BCAS3: variants seen among roughly 807,000 people sequenced by gnomAD.
BCAS3 encodes the protein BCAS4/BCAS3 fusion.
In BCAS3, 53 loss-of-function variants were observed where a neutral mutation model predicts 116.1. That is an observed-to-expected ratio of 0.46 (90% CI 0.37 to 0.57). The LOEUF is 0.57. Among genes scored for constraint, BCAS3 ranks in the 20% least tolerant of loss-of-function variants. BCAS3 has a pLI of 0.00. For missense variants in BCAS3, 917 were observed against 1,165.4 expected (o/e 0.79, Z 3.10); for synonymous variants, 391 against 408.2 (o/e 0.96, Z 0.51).
chr17:61,182,017 G>C (rs141715392), intron 22 of BCAS3, among the ~76,000 whole-genome samples: 2 of 152,066 alleles, frequency 1.3e-5, no homozygotes, highest in Admixed American at 1.3e-4. Flanking sequence ...GGGACTACAG[G>C]TGTGCACCAC....
At chr17:61,129,795 T>TA (rs1327157768) in intron 22 of BCAS3, among the ~76,000 whole-genome samples, 3 of 152,252 alleles carry the variant, frequency 2.0e-5, no homozygotes, top group African/African-American at 4.8e-5. Context: ...GTTTGGAACT[T>TA]ACAATCTGAG....
Position 61,156,154 on chromosome 17 carries a change from C to G in BCAS3, c.2425+71590C>G, listed in dbSNP as rs1268778461. ...ACAAACGCAGAGAGACAGAGAAAGA[C>G]AGTCAGCCAGACACATTAAAAAAAA... On this transcript the variant is annotated intron_variant, in intron 22 of 23. Coordinates refer to ENST00000407086, the MANE Select transcript of BCAS3 (RefSeq NM_017679.5). The surrounding 1 kb of genome is among the most constrained non-coding windows in gnomAD (Gnocchi z 4.7). Among the ~76,000 whole-genome samples, 1 of 149,532 alleles carries G rather than the reference C, an allele frequency of 6.7e-6. No individual in the cohort carries two copies. Among genetic ancestry groups the G allele is most frequent in the Non-Finnish European group, 1.5e-5 (1 of 67,656 alleles).
rs942793660 is a variant in BCAS3, at chr17:61,300,407, G to A, written c.2426-67920G>A. 2.6e-5 allele frequency among the ~76,000 whole-genome samples: 4 copies of A among 152,060 alleles called. No homozygotes were observed. The highest frequency in any genetic ancestry group is 4.4e-5 in the Non-Finnish European group (3 of 68,020). ...AACTTGCTCCCTAAGCTCCCAGAAG[G>A]CATTACTCAGGTGACATTTGGGGAA... On this transcript the variant is annotated intron_variant, in intron 22 of 23. Coordinates refer to ENST00000407086, the MANE Select transcript of BCAS3 (RefSeq NM_017679.5). This position sits in a 1 kb window ranked among gnomAD's most constrained non-coding sequence, Gnocchi z 5.1.
intron 13 of BCAS3, among the ~76,000 whole-genome samples, chr17:60,938,457 CT>C (rs1357030497): frequency 6.6e-6 from 1 of 152,074 alleles, no homozygotes. Context: ...ACTGCGGTAT[CT>C]TTTGGTGGAA....
At chr17:61,250,028 G>A (rs1172250189) in intron 22 of BCAS3, among the ~76,000 whole-genome samples, 1 of 152,204 alleles carries the variant, frequency 6.6e-6, no homozygotes, top group African/African-American at 2.4e-5. Flanking sequence ...ACTAGAGAAG[G>A]TTACGAAATG....
chr17:60,860,607 C>T (rs1203139468), intron 7 of BCAS3, among the ~76,000 whole-genome samples: 2 of 152,096 alleles, frequency 1.3e-5, no homozygotes, highest in African/African-American at 4.8e-5. Context: ...CTTTTTATAG[C>T]ATTATGTTTT....
At chr17:60,749,497 A>G (rs554493706) in intron 6 of BCAS3, among the ~76,000 whole-genome samples, 5 of 152,228 alleles carry the variant, frequency 3.3e-5, no homozygotes, top group South Asian at 4.1e-4. Flanking sequence ...AATGGCTTCA[A>G]TTTTTGTTGT....
rs1174860862 is a variant in BCAS3, at chr17:61,056,048, T to A, written c.2029+15156T>A. ...CTGCCCAAACTGGTAGTAACCAGGC[T>A]GGAAAAGGATTTGACCCTTCCTTGG... On this transcript the variant is annotated intron_variant, in intron 19 of 23. Transcript: ENST00000407086. The surrounding 1 kb of genome is among the most constrained non-coding windows in gnomAD (Gnocchi z 4.9). Among the ~76,000 whole-genome samples the A allele has an allele frequency of 1.3e-5, 2 of 152,212 alleles. No individual in the cohort carries two copies. Among genetic ancestry groups the A allele is most frequent in the Non-Finnish European group, 2.9e-5 (2 of 68,046 alleles).
chr17:61,195,597 A>T (rs1601844435), intron 22 of BCAS3, among the ~76,000 whole-genome samples: 1 of 148,382 alleles, frequency 6.7e-6, no homozygotes, highest in African/African-American at 2.5e-5. Context: ...GGCTGGTCTC[A>T]AACTCCTGTG....
Position 61,035,531 on chromosome 17 carries a change from C to A in BCAS3, c.1762+741C>A, listed in dbSNP as rs145396084. Among the ~76,000 whole-genome samples the A allele has an allele frequency of 4.9e-5, 7 of 141,492 alleles. No homozygotes were observed. In the Admixed American group the frequency reaches 5.3e-4, roughly 11 times the overall value. The allele number at this position is 141,492 out of a possible 152,430, so 92.8% of individuals were successfully genotyped here. ...TCGGGAGGCAGAGGTTGCAGTGAGCCGAGATCACGTCACTGCACTCCAGCC... is the reference window on the plus strand; with the variant it reads ...TCGGGAGGCAGAGGTTGCAGTGAGCAGAGATCACGTCACTGCACTCCAGCC... On this transcript the variant is annotated intron_variant, in intron 17 of 23. Transcript: ENST00000407086.
At chr17:60,683,869 AAAAC>A in intron 2 of BCAS3, 109 bp from the exon 3 acceptor site, 11 of 971,670 alleles carry the variant, frequency 1.1e-5, no homozygotes, top group South Asian at 8.2e-5. Flanking sequence ...AAAACCCCAA[AAAAC>A]AAACAACAAC....
intron 22 of BCAS3, among the ~76,000 whole-genome samples, chr17:61,341,488 G>C (rs986041614): frequency 3.3e-5 from 5 of 152,158 alleles, no homozygotes. Flanking sequence ...CATTATCCCT[G>C]TTAGGCACAT....
intron 19 of BCAS3, among the ~76,000 whole-genome samples, chr17:61,045,985 AT>A (rs1335284701): frequency 1.0e-4 from 1 of 9,838 alleles, no homozygotes; most frequent in Non-Finnish European, 1.3e-4. Flanking sequence ...TATTATATAT[AT>A]ATTTATATAT....
At chr17:61,003,396 T>G (rs1027034263) in intron 15 of BCAS3, among the ~76,000 whole-genome samples, 1 of 33,520 alleles carries the variant, frequency 3.0e-5, no homozygotes, top group Non-Finnish European at 6.4e-5. Context: ...TCCCCTCCCC[T>G]CCCCTCCCCT....
At chr17:60,999,475 A>G (rs1346675830) in intron 15 of BCAS3, among the ~76,000 whole-genome samples, 1 of 150,616 alleles carries the variant, frequency 6.6e-6, no homozygotes, top group Non-Finnish European at 1.5e-5. Flanking sequence ...CGCGAGCTGA[A>G]TGTTGCAGTG....
At chr17:60,711,729 G>T (rs746271695) in intron 5 of BCAS3, among the ~76,000 whole-genome samples, 46 of 151,652 alleles carry the variant, frequency 3.0e-4, no homozygotes, top group Admixed American at 2.6e-4. Flanking sequence ...ATTTTCTTTG[G>T]CCAAGTGTAT....
chr17:60,747,318 A>C, intron 6 of BCAS3, 39 bp downstream of exon 6: 1 of 1,528,126 alleles, frequency 6.5e-7, no homozygotes. Context: ...TTCAGAAAAG[A>C]GTTTCTCTTT....
intron 22 of BCAS3, among the ~76,000 whole-genome samples, chr17:61,297,646 G>A (rs909805086): frequency 1.8e-4 from 28 of 152,268 alleles, no homozygotes; most frequent in African/African-American, 6.7e-4. Flanking sequence ...TCTTGTTGAA[G>A]GGAGGTCAGT....
intron 22 of BCAS3, among the ~76,000 whole-genome samples, chr17:61,303,950 A>G (rs2053643554): frequency 6.6e-6 from 1 of 152,118 alleles, no homozygotes; most frequent in South Asian, 2.1e-4. Flanking sequence ...CATCCCAATC[A>G]TCCTCCACTC....
Sources: allele counts gnomAD v4.1 joint callset (sites outside exome capture counted in the v4.1 genomes callset), GRCh38; gene constraint gnomAD v4.1.1; non-coding constraint Gnocchi (gnomAD v3.1); transcripts MANE v1.5; gene names NCBI Gene and HGNC (gene_info 2026-07-23, HGNC 2026-07-21).